FRY: variants seen among roughly 807,000 people sequenced by gnomAD.
FRY encodes protein furry homolog.
FRY carries 128 observed loss-of-function variants against 348.4 expected under a neutral mutation model. The ratio of observed to expected loss-of-function variants is 0.37; its 90% CI spans 0.32 to 0.43. FRY has a LOEUF of 0.43. Ranked by LOEUF, FRY falls within the 20% of genes least tolerant of loss-of-function variation. The pLI is 1.00. For missense variants in FRY, 2,736 were observed against 3,695.2 expected, an observed-to-expected ratio of 0.74 and a Z score of 6.73; for synonymous variants, 1,370 against 1,374.7, an observed-to-expected ratio of 1.00 and a Z score of 0.08.
chr13:32,298,907 A>G lies in FRY; in HGVS notation c.*3447A>G, dbSNP rs894180259. The G allele has an allele frequency of 6.6e-6, 1 of 152,230 alleles. No individual in the cohort carries two copies. Among genetic ancestry groups the G allele is most frequent in the Non-Finnish European group, 1.5e-5 (1 of 68,048 alleles). 9.4% of individuals were successfully genotyped at this position (152,230 alleles called of 1,614,324 possible). A position where few individuals can be genotyped will look rare whatever the true frequency, so the allele number is the denominator to read the frequency against. On this transcript the variant is annotated 3_prime_UTR_variant, in exon 61 of 61. Coordinates refer to ENST00000542859, the MANE Select transcript of FRY (RefSeq NM_023037.3). ...TTGTCCCTTGCTGAGCAAGATGGGA[A>G]GCCACTGAATGTTTGCGGGCAGGGT...
intron 11 of FRY, among the ~76,000 whole-genome samples, chr13:32,139,349 C>A (rs572551463): frequency 5.4e-4 from 82 of 152,326 alleles, no homozygotes; most frequent in African/African-American, 1.9e-3. Context: ...CCCTTCCCTG[C>A]CTTCCTTACC....
At position 32,247,458 on chromosome 13, in the gene FRY, G is replaced by A; in HGVS notation, c.6964G>A (p.Glu2322Lys). 6.2e-7 allele frequency: 1 copy of A among 1,613,636 alleles called. No homozygotes were observed. The highest frequency in any genetic ancestry group is 8.5e-7 in the Non-Finnish European group (1 of 1,179,622). The change falls in exon 48 of 61, where the codon GAA becomes AAA. Residue 2322 changes from glutamate to lysine, a missense_variant. By Grantham distance (56) the Glu-to-Lys change is moderately conservative. Coordinates refer to ENST00000542859, the MANE Select transcript of FRY (RefSeq NM_023037.3). The part of the protein sequence containing the change: ...IHRVWTSASK[E>K]LPGKTLDFHF... ...TCGAGTGTGGACTAGTGCTTCCAAG[G>A]AATTACCTGGGAAAACCCTGGACTT...
chr13:32,193,575 C>T lies in FRY; in HGVS notation c.3592-568C>T, dbSNP rs570575957. ...ATATTTTAAATGCAAAAAAAATTGC[C>T]AATAAAGTCTTCGTCCTTTTTTTTT... On this transcript the variant is annotated intron_variant, in intron 28 of 60. Coordinates refer to ENST00000542859, the MANE Select transcript of FRY (RefSeq NM_023037.3). Among the ~76,000 whole-genome samples, 1,099 of 145,684 alleles carry T rather than the reference C, an allele frequency of 7.5e-3. 2 individuals are homozygous for T. The highest frequency in any genetic ancestry group is 0.012 in the Non-Finnish European group (779 of 66,730).
intron 2 of FRY, among the ~76,000 whole-genome samples, chr13:32,080,198 T>C (rs1875386673): frequency 6.6e-6 from 1 of 152,242 alleles, no homozygotes; most frequent in African/African-American, 2.4e-5. Context: ...GGGAAATGTT[T>C]CTTGCTTTTA....
At chr13:32,071,599 T>C (rs1048260624) in intron 1 of FRY, among the ~76,000 whole-genome samples, 11 of 152,196 alleles carry the variant, frequency 7.2e-5, no homozygotes, top group Non-Finnish European at 1.6e-4. Context: ...CTTATCATCT[T>C]AAGGAGATTT....
chr13:32,061,050 A>G (rs1215182958), intron 1 of FRY: 1 of 524,216 alleles, frequency 1.9e-6, no homozygotes, highest in Admixed American at 2.0e-5. Flanking sequence ...TGGCTTTGGA[A>G]CATGGTCTGT....
intron 1 of FRY, among the ~76,000 whole-genome samples, chr13:32,045,612 T>C (rs1345015630): frequency 6.6e-6 from 1 of 152,234 alleles, no homozygotes; most frequent in Admixed American, 6.5e-5. Flanking sequence ...ATTAATTTCA[T>C]TGGCGATGTA....
At chr13:32,257,874 C>T in intron 51 of FRY, 1 of 1,104,644 alleles carries the variant, frequency 9.1e-7, no homozygotes, top group Non-Finnish European at 1.4e-6. Context: ...GTTGTGTTAA[C>T]ACTAAGAGAA....
intron 37 of FRY, 46 bp from the exon 38 acceptor site, chr13:32,224,887 C>G (rs1885499668): frequency 1.8e-6 from 2 of 1,089,148 alleles, no homozygotes; most frequent in Non-Finnish European, 2.9e-6. Context: ...ACTAGTATTT[C>G]CATCCCCTTC....
In FRY at chr13:32,178,945, C is replaced by G; in HGVS notation, c.2783C>G (p.Pro928Arg). Reference protein sequence around the residue: ...YLILCFGVAKPSIMSPGHLRA... With the variant: ...YLILCFGVAKRSIMSPGHLRA... ...ATTCTTTGTTTTGGAGTTGCAAAAC[C>G]CAGTATTATGAGCCCAGGACACTTA... The change falls in exon 22 of 61, where the codon CCC (proline) becomes CGC (arginine). Residue 928 changes from proline to arginine, a missense_variant. This residue lies in a region of FRY where 449 missense variants were observed against 576.9 expected (regional missense o/e 0.78). Transcript: ENST00000542859. 1.2e-6 allele frequency: 2 copies of G among 1,612,912 alleles called. No individual in the cohort carries two copies. Among genetic ancestry groups the G allele is most frequent in the Non-Finnish European group, 1.7e-6 (2 of 1,178,996 alleles).
intron 4 of FRY, among the ~76,000 whole-genome samples, chr13:32,122,071 C>T (rs1026107054): frequency 3.3e-5 from 5 of 151,936 alleles, no homozygotes; most frequent in African/African-American, 7.3e-5. Context: ...TATGTTTTGT[C>T]GAAGATCAGT....
intron 53 of FRY, among the ~76,000 whole-genome samples, chr13:32,263,362 A>G (rs1452323087): frequency 6.6e-6 from 1 of 152,244 alleles, no homozygotes; most frequent in Non-Finnish European, 1.5e-5. Context: ...GTAAAAATAG[A>G]TCAGAAATCT....
intron 11 of FRY, among the ~76,000 whole-genome samples, chr13:32,139,891 A>G (rs1879952240): frequency 6.6e-6 from 1 of 152,154 alleles, no homozygotes; most frequent in African/African-American, 2.4e-5. Context: ...AACTTGATTT[A>G]ATAGTACTTT....
At chr13:32,290,040 G>T (rs1176083163) in intron 59 of FRY, among the ~76,000 whole-genome samples, 2 of 152,136 alleles carry the variant, frequency 1.3e-5, no homozygotes, top group Non-Finnish European at 2.9e-5. Context: ...TCCTGGCCCT[G>T]GGTCTGGGCA....
intron 1 of FRY, among the ~76,000 whole-genome samples, chr13:32,050,996 T>C (rs1873292585): frequency 6.6e-6 from 1 of 152,190 alleles, no homozygotes; most frequent in Admixed American, 6.5e-5. Flanking sequence ...GTCAACAGAC[T>C]CTGAAAAGCA....
At chr13:32,220,957 G>A (rs1885280894) in intron 36 of FRY, among the ~76,000 whole-genome samples, 2 of 152,166 alleles carry the variant, frequency 1.3e-5, no homozygotes, top group Non-Finnish European at 2.9e-5. Flanking sequence ...TAGTGCATCT[G>A]CTTTAAATTT....
At chr13:32,276,619 ACTCTGAGTT>A (rs758878564) in intron 57 of FRY, 57 bp downstream of exon 57, 1 of 877,332 alleles carries the variant, frequency 1.1e-6, no homozygotes, top group South Asian at 1.3e-5. Context: ...GAACCCAACC[ACTCTGAGTT>A]CTTGGGCGGG....
intron 28 of FRY, among the ~76,000 whole-genome samples, chr13:32,189,580 G>T (rs934356261): frequency 4.0e-5 from 6 of 151,798 alleles, no homozygotes; most frequent in Non-Finnish European, 5.9e-5. Context: ...AGTTGAATTT[G>T]TTACAATACT....
intron 38 of FRY, among the ~76,000 whole-genome samples, chr13:32,225,514 C>T (rs1246465537): frequency 6.6e-6 from 1 of 152,112 alleles, no homozygotes; most frequent in Admixed American, 6.5e-5. Context: ...AGGAGGAGAA[C>T]ATCTCAAGAA....
Sources: gnomAD v4.1 joint callset for allele counts (sites outside exome capture counted in the v4.1 genomes callset) on GRCh38, gnomAD v4.1.1 for gene constraint, gnomAD v4.1.1 regional missense constraint, MANE v1.5 for transcripts, NCBI Gene and HGNC (gene_info 2026-07-23, HGNC 2026-07-21) for gene names.